PSPC1: variants seen among roughly 807,000 people sequenced by gnomAD.
PSPC1 encodes the protein paraspeckle protein 1.
In PSPC1, 14 loss-of-function variants were observed where a neutral mutation model predicts 51.6. The observed-to-expected ratio is 0.27, with a 90% CI of 0.18 to 0.42. The LOEUF is 0.42. Ranked by LOEUF, PSPC1 falls within the 10% of genes least tolerant of loss-of-function variation. PSPC1 has a pLI of 1.00. For synonymous variants in PSPC1, 193 were observed against 231.9 expected (o/e 0.83, Z 1.53); for missense variants, 406 against 701.1 (o/e 0.58, Z 4.75).
intron 6 of PSPC1, among the ~76,000 whole-genome samples, chr13:19,728,413 A>G (rs754117392): frequency 5.3e-5 from 8 of 150,502 alleles, no homozygotes; most frequent in Admixed American, 1.3e-4. Flanking sequence ...GAGAAAGCAC[A>G]TAAGAGGGCC....
chr13:19,691,598 A>C (rs1271240491), intron 6 of PSPC1, among the ~76,000 whole-genome samples: 1 of 151,902 alleles, frequency 6.6e-6, no homozygotes, highest in Non-Finnish European at 1.5e-5. Flanking sequence ...CTTGATGGGA[A>C]ACTGTTCTGA....
intron 6 of PSPC1, among the ~76,000 whole-genome samples, chr13:19,679,470 T>C (rs1877036057): frequency 6.6e-6 from 1 of 152,172 alleles, no homozygotes; most frequent in Non-Finnish European, 1.5e-5. Context: ...TGCTCCAGCC[T>C]GGGCTACAGA....
intron 4 of PSPC1, among the ~76,000 whole-genome samples, chr13:19,742,683 G>A (rs1464699109): frequency 6.6e-6 from 1 of 152,178 alleles, no homozygotes; most frequent in Non-Finnish European, 1.5e-5. Flanking sequence ...AGGTTGCAGT[G>A]AGCCAAAATT....
At chr13:19,695,169 G>C (rs1015119800) in intron 6 of PSPC1, among the ~76,000 whole-genome samples, 1 of 152,194 alleles carries the variant, frequency 6.6e-6, no homozygotes, top group African/African-American at 2.4e-5. Flanking sequence ...TATCATTCAA[G>C]TAATTCCAAA....
At chr13:19,681,994 T>G (rs555940537) in intron 6 of PSPC1, among the ~76,000 whole-genome samples, 19 of 152,270 alleles carry the variant, frequency 1.2e-4, no homozygotes, top group African/African-American at 4.3e-4. Context: ...GAAGACTCAG[T>G]GAATGATATA....
chr13:19,701,275 GAA>G (rs1879873073), downstream of PSPC1, among the ~76,000 whole-genome samples: 2 of 151,266 alleles, frequency 1.3e-5, no homozygotes, highest in Non-Finnish European at 1.5e-5. Context: ...GCTTTGAAGT[GAA>G]ATACAATGCT....
chr13:19,674,312 G>A (rs9579644), downstream of PSPC1, among the ~76,000 whole-genome samples: 16,153 of 152,244 alleles, frequency 0.11, 1,036 homozygotes, highest in African/African-American at 0.18. Flanking sequence ...GATATGAGGA[G>A]TTTGGTTTCA....
At chr13:19,688,124 A>G (rs1878139297) in intron 6 of PSPC1, among the ~76,000 whole-genome samples, 1 of 152,050 alleles carries the variant, frequency 6.6e-6, no homozygotes, top group Admixed American at 6.5e-5. Flanking sequence ...ATGGTCGTCT[A>G]ATGCTCCCAC....
intron 5 of PSPC1, among the ~76,000 whole-genome samples, chr13:19,740,944 A>G (rs1428914563): frequency 1.3e-5 from 2 of 151,886 alleles, no homozygotes; most frequent in Non-Finnish European, 2.9e-5. Flanking sequence ...GCAAGATCTC[A>G]GATCACTGCA....
intron 6 of PSPC1, among the ~76,000 whole-genome samples, chr13:19,714,817 G>A (rs59039159): frequency 2.4e-4 from 37 of 152,064 alleles, no homozygotes; most frequent in African/African-American, 8.7e-4. Flanking sequence ...TTCGATGTAA[G>A]AGTACTTTTA....
chr13:19,706,790 A>C (rs990714698), intron 7 of PSPC1, among the ~76,000 whole-genome samples: 2 of 152,184 alleles, frequency 1.3e-5, no homozygotes, highest in African/African-American at 4.8e-5. Flanking sequence ...ATTTTCTGAT[A>C]ATAAGAACTC....
chr13:19,691,944 T>A (rs1286575493), intron 6 of PSPC1, among the ~76,000 whole-genome samples: 1 of 151,870 alleles, frequency 6.6e-6, no homozygotes, highest in Non-Finnish European at 1.5e-5. Flanking sequence ...CAAAAATATC[T>A]GGGAGACGGA....
intron 2 of PSPC1, among the ~76,000 whole-genome samples, chr13:19,761,217 T>G (rs1239854394): frequency 9.2e-5 from 14 of 151,920 alleles, no homozygotes; most frequent in Non-Finnish European, 8.8e-5. Flanking sequence ...CACCAGACAT[T>G]CAAGGAGAAA....
In PSPC1 at chr13:19,730,302, T is replaced by C; in HGVS notation, c.1095A>G (p.Arg365=). The C allele has an allele frequency of 1.2e-6, 2 of 1,614,196 alleles. No homozygotes were observed. Among genetic ancestry groups the C allele is most frequent in the Non-Finnish European group, 1.7e-6 (2 of 1,180,024 alleles). Residue 365 remains arginine, a synonymous_variant, in exon 6 of 9, where the codon CGA becomes CGG. Transcript: ENST00000338910. ...EHRRREEEMI[R]HREQEELRRQ... Reference sequence around the variant, plus strand: ...GCCTCAGTTCCTCCTGTTCTCTGTGTCGGATCATTTCTTCCTCACGCCGCC... The same window carrying C: ...GCCTCAGTTCCTCCTGTTCTCTGTGCCGGATCATTTCTTCCTCACGCCGCC...
chr13:19,732,859 G>GGAGGTTGCA (rs1884289806), intron 5 of PSPC1, among the ~76,000 whole-genome samples: 1 of 151,806 alleles, frequency 6.6e-6, no homozygotes, highest in African/African-American at 2.4e-5. Context: ...CCCAGGAGGC[G>GGAGGTTGCA]GAGGTTGCAG....
intron 6 of PSPC1, among the ~76,000 whole-genome samples, chr13:19,726,822 G>A (rs1024869568): frequency 3.9e-5 from 6 of 152,138 alleles, no homozygotes; most frequent in African/African-American, 4.8e-5. Context: ...ACAGTCCCTC[G>A]GGTGCTACAA....
exon 8 of PSPC1, chr13:19,674,923 A>AGTT (rs1876463063): frequency 6.6e-6 from 1 of 152,182 alleles, no homozygotes; most frequent in South Asian, 2.1e-4. Flanking sequence ...TACACAGCAA[A>AGTT]GTTGGGATTT....
chr13:19,689,075 A>G (rs1028995920), intron 6 of PSPC1, among the ~76,000 whole-genome samples: 1 of 152,202 alleles, frequency 6.6e-6, no homozygotes, highest in Non-Finnish European at 1.5e-5. Context: ...GGACAAACAG[A>G]AAACTTATAG....
chr13:19,729,411 C>T (rs1022600966), intron 6 of PSPC1, among the ~76,000 whole-genome samples: 2 of 151,830 alleles, frequency 1.3e-5, no homozygotes, highest in African/African-American at 4.8e-5. Flanking sequence ...GTGGTGCGCA[C>T]CTGTAATCCC....
Sources: gnomAD v4.1 joint callset for allele counts (sites outside exome capture counted in the v4.1 genomes callset) on GRCh38, gnomAD v4.1.1 for gene constraint, MANE v1.5 for transcripts, NCBI Gene and HGNC (gene_info 2026-07-23, HGNC 2026-07-21) for gene names.